The following RBMXL1 variants were observed in gnomAD, a reference collection of about 807,000 sequenced individuals.
RBMXL1 encodes RNA binding motif protein, X-linked-like-1.
RBMXL1 carries 18 observed loss-of-function variants against 29.0 expected under a neutral mutation model. That is an observed-to-expected ratio of 0.62 (90% CI 0.43 to 0.92). The LOEUF is 0.92. Ranked by LOEUF, RBMXL1 falls within the 40% of genes least tolerant of loss-of-function variation. RBMXL1 has a pLI of 0.00. For synonymous variants in RBMXL1, 141 were observed against 170.4 expected (o/e 0.83, Z 1.34); for missense variants, 403 against 495.8 (o/e 0.81, Z 1.78).
Position 88,988,311 on chromosome 1 carries a change from T to C in RBMXL1, c.-300A>G, listed in dbSNP as rs1484736201. On this transcript the variant is annotated 5_prime_UTR_variant, in exon 2 of 3. Coordinates refer to ENST00000652648, the MANE Select transcript of RBMXL1 (RefSeq NM_001162536.3). ...GAAATTGTCTTCAGGAATTTTGCTC[T>C]ACCGCTAAGAGAGCAGAGGCTCCTC... 9.3e-6 allele frequency: 15 copies of C among 1,613,830 alleles called. No homozygotes were observed. Among genetic ancestry groups the C allele is most frequent in the Non-Finnish European group, 1.3e-5 (15 of 1,179,784 alleles).
Position 88,988,256 on chromosome 1 carries a change from G to C in RBMXL1, c.-245C>G. 1 of 1,609,192 alleles carries C rather than the reference G, an allele frequency of 6.2e-7. No individual in the cohort carries two copies. The highest frequency in any genetic ancestry group is 8.5e-7 in the Non-Finnish European group (1 of 1,175,762). On this transcript the variant is annotated 5_prime_UTR_variant, in exon 2 of 3. Coordinates refer to ENST00000652648, the MANE Select transcript of RBMXL1 (RefSeq NM_001162536.3). ...CTGTAAGTAAGCAATACCTACAGCA[G>C]AAGTAGAGAATCCGAGGATTTTGGA...
chr1:88,991,435 G>A (rs1469395753), intron 1 of RBMXL1, among the ~76,000 whole-genome samples: 1 of 152,212 alleles, frequency 6.6e-6, no homozygotes, highest in Non-Finnish European at 1.5e-5. Flanking sequence ...CGCCCACACT[G>A]TTACAAGAGT....
chr1:88,990,315 A>G (rs1677711797), intron 1 of RBMXL1, among the ~76,000 whole-genome samples: 1 of 151,986 alleles, frequency 6.6e-6, no homozygotes, highest in African/African-American at 2.4e-5. Context: ...AAAACTCTTG[A>G]CTGTACCATC....
chr1:88,984,156 T>G lies in RBMXL1; in HGVS notation c.-240-90A>C, dbSNP rs145613765. On this transcript the variant is annotated intron_variant, in intron 2 of 2. Coordinates refer to ENST00000652648, the MANE Select transcript of RBMXL1 (RefSeq NM_001162536.3). ...TAAAGATACATAAAAAATGCAATTATATTAAGCTCAAAAGTGTGTATAATT... is the reference window on the plus strand; with the variant it reads ...TAAAGATACATAAAAAATGCAATTAGATTAAGCTCAAAAGTGTGTATAATT... 4.7e-3 allele frequency: 1,453 copies of G among 310,116 alleles called. 18 individuals are homozygous for G. The highest frequency in any genetic ancestry group is 0.03 in the African/African-American group (1,392 of 46,992). 19.2% of individuals were successfully genotyped at this position (310,116 alleles called of 1,614,324 possible). A position where few individuals can be genotyped will look rare whatever the true frequency, so the allele number is the denominator to read the frequency against.
In RBMXL1 at chr1:88,980,187, C is replaced by T. The variant is rs1356879363; in HGVS notation, c.*2467G>A. ...TGGACTGCAAAGGAACTTGAGGAATCTTTTGGGGGCGATGGAAGTGTTCTG... is the reference window on the plus strand; with the variant it reads ...TGGACTGCAAAGGAACTTGAGGAATTTTTTGGGGGCGATGGAAGTGTTCTG... On this transcript the variant is annotated 3_prime_UTR_variant, in exon 3 of 3. Transcript: ENST00000652648. 1 of 152,380 alleles carries T rather than the reference C, an allele frequency of 6.6e-6. No individual in the cohort carries two copies. The highest frequency in any genetic ancestry group is 1.5e-5 in the Non-Finnish European group (1 of 68,042). 9.4% of individuals were successfully genotyped at this position (152,380 alleles called of 1,614,324 possible).
chr1:88,989,286 T>A (rs951620120), intron 1 of RBMXL1, among the ~76,000 whole-genome samples: 6 of 152,096 alleles, frequency 3.9e-5, no homozygotes, highest in Non-Finnish European at 8.8e-5. Context: ...AGAAGGATAA[T>A]ACATCATGAC....
chr1:88,982,346 GA>G lies in RBMXL1; in HGVS notation c.*307del. 1 of 729,856 alleles carries G rather than the reference GA, an allele frequency of 1.4e-6. No individual in the cohort carries two copies. Among genetic ancestry groups the G allele is most frequent in the Non-Finnish European group, 1.8e-6 (1 of 547,544 alleles). 45.2% of individuals were successfully genotyped at this position (729,856 alleles called of 1,614,324 possible). On this transcript the variant is annotated 3_prime_UTR_variant, in exon 3 of 3. Transcript: ENST00000652648. Reference sequence around the variant, plus strand: ...TAGAATTGCTTGCCTCATTTACTGGGAAAAACCAGATAGGAAGTGGTCTTTA... The same window carrying G: ...TAGAATTGCTTGCCTCATTTACTGGGAAAACCAGATAGGAAGTGGTCTTTA...
Position 88,984,094 on chromosome 1 carries a change from A to T in RBMXL1, c.-240-28T>A, listed in dbSNP as rs1677289385. 4 of 488,024 alleles carry T rather than the reference A, an allele frequency of 8.2e-6. No individual in the cohort carries two copies. The East Asian group carries it at 1.4e-4, about 17-fold the overall frequency. The allele number at this position is 488,024 out of a possible 1,614,324, so 30.2% of individuals were successfully genotyped here. A position where few individuals can be genotyped will look rare whatever the true frequency, so the allele number is the denominator to read the frequency against. On this transcript the variant is annotated intron_variant, in intron 2 of 2. Transcript: ENST00000652648. ...GTAATGGTGGAAGAAATGAAAGTAA[A>T]ACTCAGAAGTGGAAATGTAAAGCAG...
At chr1:88,992,406 G>C (rs548356434) in intron 1 of RBMXL1, among the ~76,000 whole-genome samples, 179 bp downstream of exon 1, 1 of 152,334 alleles carries the variant, frequency 6.6e-6, no homozygotes, top group African/African-American at 2.4e-5. Context: ...CAGTCACCTC[G>C]GCGCCTTCCC....
chr1:88,980,041 G>A lies in RBMXL1; in HGVS notation c.*2613C>T, dbSNP rs1301861480. On this transcript the variant is annotated 3_prime_UTR_variant, in exon 3 of 3. Coordinates refer to ENST00000652648, the MANE Select transcript of RBMXL1 (RefSeq NM_001162536.3). ...ACCTGGTGAATTTCAAAGTCATTGT[G>A]TGTGAAAGAAACCATAAACAAAAAA... 2 of 152,244 alleles carry A rather than the reference G, an allele frequency of 1.3e-5. No homozygotes were observed. The highest frequency in any genetic ancestry group is 1.5e-5 in the Non-Finnish European group (1 of 68,050). 9.4% of individuals were successfully genotyped at this position (152,244 alleles called of 1,614,324 possible).
intron 1 of RBMXL1, among the ~76,000 whole-genome samples, chr1:88,991,663 G>A (rs1293009346): frequency 2.0e-5 from 3 of 152,220 alleles, no homozygotes; most frequent in Non-Finnish European, 2.9e-5. Context: ...AAGGAGACAC[G>A]AGCCTGAAAT....
chr1:88,991,622 G>C (rs1245468889), intron 1 of RBMXL1, among the ~76,000 whole-genome samples: 1 of 152,218 alleles, frequency 6.6e-6, no homozygotes, highest in Non-Finnish European at 1.5e-5. Context: ...AGAGCGGAAA[G>C]AATTAGCCAA....
In RBMXL1 at chr1:88,983,274, G is replaced by C. The variant is rs755044665; in HGVS notation, c.553C>G (p.Arg185Gly). The C allele has an allele frequency of 3.7e-6, 6 of 1,613,798 alleles. No individual in the cohort carries two copies. The highest frequency in any genetic ancestry group is 1.1e-5 in the South Asian group (1 of 91,064). ...SGMGGRAPLS[R>G]GRDSYGGPPR... ...GGACCTCCATAACTATCTCTTCCAC[G>C]TGATAGAGGAGCTCTTCCTCCCATT... is the stretch of plus-strand genomic sequence containing the variant. Residue 185 changes from arginine to glycine, a missense_variant, in exon 3 of 3, where the codon CGT (arginine) becomes GGT (glycine). By Grantham distance (125) the Arg-to-Gly change is moderately radical. Transcript: ENST00000652648.
At position 88,983,638 on chromosome 1, in the gene RBMXL1, C is replaced by T. The variant is rs1410560561; in HGVS notation, c.189G>A (p.Lys63=). 6.2e-7 allele frequency: 1 copy of T among 1,613,840 alleles called. No individual in the cohort carries two copies. Among genetic ancestry groups the T allele is most frequent in the East Asian group, 2.2e-5 (1 of 44,898 alleles). ...TTCCATTCATGTCTCTGGCTGCATC[C>T]TTAGCGTCTGCTGGGCTTTCAAAGG... ...FVTFESPADA[K]DAARDMNGKS... The change falls in exon 3 of 3, where the codon AAG becomes AAA. Residue 63 remains lysine (K), a synonymous_variant. Transcript: ENST00000652648.
intron 2 of RBMXL1, among the ~76,000 whole-genome samples, chr1:88,987,085 A>G (rs1282181033): frequency 2.0e-5 from 3 of 152,370 alleles, no homozygotes; most frequent in Non-Finnish European, 4.4e-5. Context: ...ATGCATTGTC[A>G]GTGGTTTTTG....
In RBMXL1 at chr1:88,983,587, C is replaced by T. The variant is rs778283160; in HGVS notation, c.240G>A (p.Lys80=). 1 of 1,614,102 alleles carries T rather than the reference C, an allele frequency of 6.2e-7. No homozygotes were observed. The highest frequency in any genetic ancestry group is 1.3e-5 in the African/African-American group (1 of 74,944). Residue 80 remains lysine, a synonymous_variant, in exon 3 of 3, where the codon AAG becomes AAA. Coordinates refer to ENST00000652648, the MANE Select transcript of RBMXL1 (RefSeq NM_001162536.3). ...ATGATGGTTTGGTGGCTTGTTCCAC[C>T]TTGATGGCTTTTCCATCTAATGACT... ...NGKSLDGKAI[K]VEQATKPSFE...
intron 2 of RBMXL1, among the ~76,000 whole-genome samples, chr1:88,984,920 G>T (rs1456257897): frequency 6.6e-6 from 1 of 152,184 alleles, no homozygotes; most frequent in Non-Finnish European, 1.5e-5. Flanking sequence ...CTTTCCATAT[G>T]TACTGGTTAT....
intron 1 of RBMXL1, among the ~76,000 whole-genome samples, chr1:88,990,512 G>T (rs1316448539): frequency 6.6e-6 from 1 of 152,190 alleles, no homozygotes; most frequent in African/African-American, 2.4e-5. Context: ...TGCAGCTTTA[G>T]ATACTGGCAG....
chr1:88,983,877 C>A lies in RBMXL1; in HGVS notation c.-51G>T, dbSNP rs1435812550. On this transcript the variant is annotated 5_prime_UTR_variant, in exon 3 of 3. Coordinates refer to ENST00000652648, the MANE Select transcript of RBMXL1 (RefSeq NM_001162536.3). ...GGGTGACAGTGGGTTCAAGCTCCAA[C>A]AAGCTCGCCGACAGGGGCTTCCTAG... 13 of 1,610,624 alleles carry A rather than the reference C, an allele frequency of 8.1e-6. No homozygotes were observed. The highest frequency in any genetic ancestry group is 1.1e-5 in the Non-Finnish European group (13 of 1,177,500).
Sources: allele counts gnomAD v4.1 joint callset (sites outside exome capture counted in the v4.1 genomes callset), GRCh38; gene constraint gnomAD v4.1.1; transcripts MANE v1.5; gene names NCBI Gene and HGNC (gene_info 2026-07-23, HGNC 2026-07-21).